DLGAP2: variants seen among roughly 807,000 people sequenced by gnomAD.
DLGAP2 encodes the protein DLG associated protein 2.
DLGAP2 carries 26 observed loss-of-function variants against 100.3 expected under a neutral mutation model. The ratio of observed to expected loss-of-function variants is 0.26; its 90% CI spans 0.19 to 0.36. The LOEUF is 0.36. Ranked by LOEUF, DLGAP2 falls within the 10% of genes least tolerant of loss-of-function variation. The pLI is 1.00. For missense variants in DLGAP2, 1,858 were observed against 1,453.2 expected (o/e 1.28, Z -4.53); for synonymous variants, 886 against 630.1 (o/e 1.41, Z -6.08).
chr8:1,417,470 G>T (rs900609733), intron 3 of DLGAP2, among the ~76,000 whole-genome samples: 1 of 152,208 alleles, frequency 6.6e-6, no homozygotes, highest in Admixed American at 6.5e-5. Context: ...TTACTGTGAA[G>T]GTTAATGTGG....
chr8:1,030,237 G>A (rs970149431), intron 2 of DLGAP2, among the ~76,000 whole-genome samples: 7 of 152,194 alleles, frequency 4.6e-5, no homozygotes, highest in East Asian at 3.8e-4. Context: ...GTTCAGCCTC[G>A]TAATTAAATA....
intron 2 of DLGAP2, among the ~76,000 whole-genome samples, chr8:1,131,553 C>G (rs1025490458): frequency 1.3e-5 from 2 of 152,216 alleles, no homozygotes; most frequent in African/African-American, 2.4e-5. Flanking sequence ...ACACCCTCCT[C>G]TTACCGTCCC....
At position 965,287 on chromosome 8, in the gene DLGAP2, G is replaced by T. The variant is rs1312913063; in HGVS notation, c.73+57321G>T. Among the ~76,000 whole-genome samples the T allele has an allele frequency of 2.2e-5, 3 of 134,780 alleles. No individual in the cohort carries two copies. The Admixed American group carries it at 2.3e-4, about 10-fold the overall frequency. The allele number at this position is 134,780 out of a possible 152,430, so 88.4% of individuals were successfully genotyped here. ...CCAACCCCCGCGTGCACACGGCACT[G>T]TTCACCACACAGGGCTCCTGAGTCT... On this transcript the variant is annotated intron_variant, in intron 2 of 14. Coordinates refer to ENST00000637795, the MANE Select transcript of DLGAP2 (RefSeq NM_001346810.2).
chr8:908,108 C>T (rs1798417325), intron 2 of DLGAP2, 142 bp downstream of exon 2: 1 of 392,878 alleles, frequency 2.5e-6, no homozygotes, highest in Admixed American at 4.4e-5. Context: ...TATTAACTAA[C>T]TGTAAGACCT....
intron 3 of DLGAP2, among the ~76,000 whole-genome samples, chr8:1,368,032 T>C (rs1802148117): frequency 6.6e-6 from 1 of 152,200 alleles, no homozygotes; most frequent in Non-Finnish European, 1.5e-5. Context: ...ATTTTGGGGA[T>C]TGACTCTGCT....
At chr8:1,023,585 CG>C (rs1049789635) in intron 2 of DLGAP2, among the ~76,000 whole-genome samples, 7 of 150,998 alleles carry the variant, frequency 4.6e-5, no homozygotes, top group East Asian at 2.3e-4. Context: ...TGTGTTTCAG[CG>C]CAACAGTGTC....
At chr8:1,194,050 C>G (rs764669282) in intron 2 of DLGAP2, among the ~76,000 whole-genome samples, 3 of 152,238 alleles carry the variant, frequency 2.0e-5, no homozygotes, top group East Asian at 3.9e-4. Context: ...CTGTGACATT[C>G]AAGTCAACGT....
chr8:805,577 G>T (rs1230018983), intron 1 of DLGAP2, among the ~76,000 whole-genome samples: 1 of 152,160 alleles, frequency 6.6e-6, no homozygotes, highest in African/African-American at 2.4e-5. Flanking sequence ...ACCACCTGTA[G>T]TTTCTAATGT....
chr8:1,591,084 G>T (rs1796275793), intron 6 of DLGAP2, among the ~76,000 whole-genome samples: 1 of 152,234 alleles, frequency 6.6e-6, no homozygotes, highest in Non-Finnish European at 1.5e-5. Flanking sequence ...CATGCCGGCA[G>T]CTGCAGAACT....
intron 3 of DLGAP2, among the ~76,000 whole-genome samples, chr8:1,278,234 A>G (rs1487380466): frequency 6.6e-6 from 1 of 152,186 alleles, no homozygotes; most frequent in Non-Finnish European, 1.5e-5. Context: ...TGGACTCTCA[A>G]TTATTTTATC....
chr8:951,287 C>T (rs1286199857), intron 2 of DLGAP2, among the ~76,000 whole-genome samples: 1 of 152,130 alleles, frequency 6.6e-6, no homozygotes, highest in Admixed American at 6.5e-5. Flanking sequence ...ATTCTGTTGC[C>T]CTGGCTGGAG....
intron 6 of DLGAP2, among the ~76,000 whole-genome samples, chr8:1,623,460 C>T (rs1181663805): frequency 4.5e-5 from 6 of 134,332 alleles, no homozygotes; most frequent in East Asian, 2.3e-4. Context: ...CTGACACCAG[C>T]GCGCAATGAC....
chr8:1,341,475 T>G (rs769053057), intron 3 of DLGAP2, among the ~76,000 whole-genome samples: 3 of 152,210 alleles, frequency 2.0e-5, no homozygotes, highest in Non-Finnish European at 2.9e-5. Flanking sequence ...TAGGCGTATT[T>G]AATGGAATAC....
intron 3 of DLGAP2, among the ~76,000 whole-genome samples, chr8:1,269,122 C>A (rs1799527644): frequency 6.6e-6 from 1 of 152,168 alleles, no homozygotes; most frequent in South Asian, 2.1e-4. Flanking sequence ...ATTGGCTCAC[C>A]CCTTCATCGG....
intron 3 of DLGAP2, among the ~76,000 whole-genome samples, chr8:1,367,656 C>T (rs539307660): frequency 6.6e-6 from 1 of 152,284 alleles, no homozygotes; most frequent in Non-Finnish European, 1.5e-5. Context: ...ATTGTGGTTG[C>T]TATGCATGGA....
At chr8:943,003 T>C (rs1427275149) in intron 2 of DLGAP2, among the ~76,000 whole-genome samples, 1 of 152,136 alleles carries the variant, frequency 6.6e-6, no homozygotes, top group Non-Finnish European at 1.5e-5. Flanking sequence ...GAGTTCGGGG[T>C]TGGATTGTGG....
At chr8:1,007,049 G>A (rs937982688) in intron 2 of DLGAP2, among the ~76,000 whole-genome samples, 4 of 151,984 alleles carry the variant, frequency 2.6e-5, no homozygotes, top group Admixed American at 6.6e-5. Context: ...CCTTTATCAC[G>A]TTGGGGACAC....
chr8:1,137,272 C>T (rs778370306), intron 2 of DLGAP2: 1 of 152,548 alleles, frequency 6.6e-6, no homozygotes, highest in African/African-American at 2.4e-5. Flanking sequence ...CTCAAAACCT[C>T]ATTTAACCTG....
chr8:900,048 C>A (rs1798218645), intron 1 of DLGAP2, among the ~76,000 whole-genome samples: 6 of 152,226 alleles, frequency 3.9e-5, no homozygotes, highest in Admixed American at 3.9e-4. Flanking sequence ...GAAATAACTT[C>A]ACATGTAAAA....
Sources: gnomAD v4.1 joint callset for allele counts (sites outside exome capture counted in the v4.1 genomes callset) on GRCh38, gnomAD v4.1.1 for gene constraint, MANE v1.5 for transcripts, NCBI Gene and HGNC (gene_info 2026-07-23, HGNC 2026-07-21) for gene names.